The following PRKCQ variants were observed in gnomAD, a reference collection of about 807,000 sequenced individuals.
PRKCQ encodes protein kinase C theta type.
Under a neutral mutation model 91.2 loss-of-function variants are expected in PRKCQ, and 41 were observed. The observed-to-expected ratio is 0.45, with a 90% CI of 0.35 to 0.58. The LOEUF (loss-of-function observed/expected upper bound fraction) is 0.58, where lower values mean the gene tolerates loss of function less well. Among genes scored for constraint, PRKCQ ranks in the 20% least tolerant of loss-of-function variants. PRKCQ has a pLI of 0.00. For synonymous variants in PRKCQ, 307 were observed against 316.9 expected (o/e 0.97, Z 0.33); for missense variants, 673 against 896.5 (o/e 0.75, Z 3.18).
chr10:6,438,822 C>T (rs960771739), intron 16 of PRKCQ, among the ~76,000 whole-genome samples: 8 of 152,222 alleles, frequency 5.3e-5, no homozygotes, highest in South Asian at 2.1e-4. Flanking sequence ...TCTTGAATTT[C>T]GGGCTGCTCA....
At chr10:6,568,759 A>G (rs575190385) in intron 1 of PRKCQ, among the ~76,000 whole-genome samples, 2 of 152,180 alleles carry the variant, frequency 1.3e-5, no homozygotes, top group African/African-American at 4.8e-5. Context: ...CGGCCTCCCA[A>G]AGTGCTGAGA....
chr10:6,446,067 G>C (rs1053316913), intron 15 of PRKCQ, among the ~76,000 whole-genome samples: 18 of 152,184 alleles, frequency 1.2e-4, no homozygotes, highest in Admixed American at 2.6e-4. Context: ...AAACTCACAC[G>C]TGCAGCAGAG....
Position 6,498,491 on chromosome 10 carries a change from G to A in PRKCQ, c.447C>T (p.Ile149=), listed in dbSNP as rs1425460239. ...FFALHQRRGA[I]KQAKVHHVKC... ...TGACGTGGTGGACCTTTGCCTGCTTGATGGCACCCCGGCGCTGATGCAAAG... is the reference window on the plus strand; with the variant it reads ...TGACGTGGTGGACCTTTGCCTGCTTAATGGCACCCCGGCGCTGATGCAAAG... The change falls in exon 5 of 18, where the codon ATC becomes ATT. Residue 149 remains isoleucine, a synonymous_variant. Transcript: ENST00000263125. 10 of 1,614,194 alleles carry A rather than the reference G, an allele frequency of 6.2e-6. No individual in the cohort carries two copies. The highest frequency in any genetic ancestry group is 1.1e-5 in the South Asian group (1 of 91,084).
chr10:6,526,147 C>A (rs188854807), intron 1 of PRKCQ, among the ~76,000 whole-genome samples: 1 of 152,194 alleles, frequency 6.6e-6, no homozygotes, highest in South Asian at 2.1e-4. Flanking sequence ...CAATGTTCCA[C>A]AATTGGAAAA....
intron 1 of PRKCQ, among the ~76,000 whole-genome samples, chr10:6,517,638 T>G (rs1389598494): frequency 7.8e-6 from 1 of 128,788 alleles, no homozygotes; most frequent in Non-Finnish European, 1.6e-5. Flanking sequence ...CTTTCCCAGA[T>G]TTAGGGATAC....
Position 6,497,248 on chromosome 10 carries a change from G to A in PRKCQ, c.546C>T (p.Gly182=), listed in dbSNP as rs1588767556. The A allele has an allele frequency of 6.2e-7, 1 of 1,614,058 alleles. No individual in the cohort carries two copies. The highest frequency in any genetic ancestry group is 1.7e-5 in the Admixed American group (1 of 60,016). Residue 182 remains glycine (G), a synonymous_variant, in exon 6 of 18, where the codon GGC becomes GGT. Transcript: ENST00000263125. The surrounding 1 kb of genome is among the most constrained non-coding windows in gnomAD (Gnocchi z 4.5). ...GGCACTGGTAGCCCTGTTTGTTCAG[G>A]CCCCTGTAATAAAGCACACGCTGAT... ...FCSVCHEFVW[G]LNKQGYQCRQ...
the PRKCQ span, among the ~76,000 whole-genome samples, chr10:6,416,544 C>T: frequency 6.6e-6 from 1 of 152,182 alleles, no homozygotes; most frequent in Admixed American, 6.5e-5. Context: ...GACATTATTT[C>T]ATTCCTTTTT....
chr10:6,545,531 G>C (rs1382417790), intron 1 of PRKCQ, among the ~76,000 whole-genome samples: 1 of 152,206 alleles, frequency 6.6e-6, no homozygotes, highest in African/African-American at 2.4e-5. Context: ...TGAGTCCCTA[G>C]AGGAGTCACA....
At chr10:6,416,686 G>T in the PRKCQ span, among the ~76,000 whole-genome samples, 3 of 152,148 alleles carry the variant, frequency 2.0e-5, no homozygotes. Context: ...ATGTGCAAAT[G>T]TCTTTTTCAT....
the PRKCQ span, among the ~76,000 whole-genome samples, chr10:6,410,756 G>A: frequency 6.6e-6 from 1 of 152,140 alleles, no homozygotes; most frequent in African/African-American, 2.4e-5. Context: ...GCCAAGGCGG[G>A]TGGATCACCT....
the PRKCQ span, among the ~76,000 whole-genome samples, chr10:6,404,648 CCT>C: frequency 7.1e-6 from 1 of 140,682 alleles, no homozygotes; most frequent in Non-Finnish European, 1.5e-5. Flanking sequence ...TCCTTTCTTT[CCT>C]TTTTTCTCTT....
intron 8 of PRKCQ, among the ~76,000 whole-genome samples, chr10:6,487,355 G>T (rs986505192): frequency 6.6e-6 from 1 of 152,206 alleles, no homozygotes; most frequent in African/African-American, 2.4e-5. Context: ...TAAAGAAAAA[G>T]AAAGAGGAGA....
chr10:6,489,272 G>A (rs981680709), intron 8 of PRKCQ: 1 of 458,840 alleles, frequency 2.2e-6, no homozygotes, highest in Non-Finnish European at 4.5e-6. Context: ...ATTGAACATA[G>A]AGGGATGGAG....
intron 12 of PRKCQ, among the ~76,000 whole-genome samples, chr10:6,471,929 G>A (rs1038345967): frequency 2.0e-5 from 3 of 152,194 alleles, no homozygotes; most frequent in African/African-American, 4.8e-5. Flanking sequence ...GGCTGACAAA[G>A]GAATGGGCAG....
chr10:6,476,252 T>C (rs905120317), intron 12 of PRKCQ, among the ~76,000 whole-genome samples: 1 of 144,660 alleles, frequency 6.9e-6, no homozygotes, highest in Non-Finnish European at 1.5e-5. Context: ...ACCTATCTTC[T>C]ACAAAGTGGG....
chr10:6,453,235 C>G (rs1043861441), intron 15 of PRKCQ, among the ~76,000 whole-genome samples: 2 of 152,120 alleles, frequency 1.3e-5, no homozygotes, highest in Non-Finnish European at 2.9e-5. Context: ...AAGAAAAAAA[C>G]AACCCCATCA....
At chr10:6,410,478 T>G in the PRKCQ span, among the ~76,000 whole-genome samples, 1 of 152,134 alleles carries the variant, frequency 6.6e-6, no homozygotes, top group African/African-American at 2.4e-5. Flanking sequence ...GGGTGGGGCT[T>G]TATTTCTAGG....
chr10:6,421,942 A>G, the PRKCQ span, among the ~76,000 whole-genome samples: 1 of 152,228 alleles, frequency 6.6e-6, no homozygotes, highest in South Asian at 2.1e-4. This position sits in a 1 kb window ranked among gnomAD's most constrained non-coding sequence, Gnocchi z 4.1. Context: ...CATCACCATA[A>G]AATCAGTCTT....
At chr10:6,418,753 A>G in the PRKCQ span, among the ~76,000 whole-genome samples, 4 of 152,152 alleles carry the variant, frequency 2.6e-5, no homozygotes, top group Non-Finnish European at 5.9e-5. Flanking sequence ...GGAACTGTCA[A>G]CCTTCCAGGG....
Sources: allele counts gnomAD v4.1 joint callset (sites outside exome capture counted in the v4.1 genomes callset), GRCh38; gene constraint gnomAD v4.1.1; non-coding constraint Gnocchi (gnomAD v3.1); transcripts MANE v1.5; gene names NCBI Gene and HGNC (gene_info 2026-07-23, HGNC 2026-07-21).